The following ATG13 variants were observed in gnomAD, a reference collection of about 807,000 sequenced individuals.
ATG13 encodes autophagy-related protein 13.
Under a neutral mutation model 65.5 loss-of-function variants are expected in ATG13, and 23 were observed. The ratio of observed to expected loss-of-function variants is 0.35; its 90% CI spans 0.25 to 0.50. ATG13 has a LOEUF of 0.50. Ranked by LOEUF, ATG13 falls within the 20% of genes least tolerant of loss-of-function variation. ATG13 has a pLI of 0.98. For synonymous variants in ATG13, 252 were observed against 245.2 expected (o/e 1.03, Z -0.26); for missense variants, 566 against 677.0 (o/e 0.84, Z 1.82).
intron 2 of ATG13, among the ~76,000 whole-genome samples, chr11:46,631,444 G>A (rs532403079): frequency 1.3e-5 from 2 of 152,234 alleles, no homozygotes; most frequent in African/African-American, 2.4e-5. Flanking sequence ...TTTTCCATTC[G>A]TTCATTATTA....
At position 46,669,445 on chromosome 11, in the gene ATG13, G is replaced by T; in HGVS notation, c.1488G>T (p.Leu496=). 1 of 1,614,086 alleles carries T rather than the reference G, an allele frequency of 6.2e-7. No individual in the cohort carries two copies. The highest frequency in any genetic ancestry group is 8.5e-7 in the Non-Finnish European group (1 of 1,179,972). The part of the protein sequence containing the change: ...FSKDDILPMD[L]GTFYREFQNP... ...AAGATGACATTCTTCCGATGGACCT[G>T]GGGACCTTCTATCGGGAGTTTCAGA... is the stretch of plus-strand genomic sequence containing the variant. The change falls in exon 18 of 19, where the codon CTG becomes CTT. Residue 496 remains leucine (L), a synonymous_variant. Coordinates refer to ENST00000683050, the MANE Select transcript of ATG13 (RefSeq NM_001346311.2).
In ATG13 at chr11:46,672,592, G is replaced by T. The variant is rs2064003115; in HGVS notation, c.*260G>T. ...GAACCTTCGTACGAAAAAGCCCTCA[G>T]CAGGGCCATCTGTGTGCCCTGCCCA... On this transcript the variant is annotated 3_prime_UTR_variant, in exon 19 of 19. Transcript: ENST00000683050. The T allele has an allele frequency of 5.6e-6, 8 of 1,422,722 alleles. No homozygotes were observed. Among genetic ancestry groups the T allele is most frequent in the Non-Finnish European group, 7.4e-6 (8 of 1,076,514 alleles). The allele number at this position is 1,422,722 out of a possible 1,614,324, so 88.1% of individuals were successfully genotyped here.
At chr11:46,651,341 T>G (rs2058851989) in intron 7 of ATG13, among the ~76,000 whole-genome samples, 3 of 152,196 alleles carry the variant, frequency 2.0e-5, no homozygotes. Flanking sequence ...CAAGCTAGCC[T>G]ATTAGGGAAA....
rs762258154 is a variant in ATG13, at chr11:46,644,299, CTG to C, written c.9_10del (p.Asp4SerfsTer14). 6.2e-7 allele frequency: 1 copy of C among 1,600,984 alleles called. No individual in the cohort carries two copies. The highest frequency in any genetic ancestry group is 1.4e-5 in the African/African-American group (1 of 73,740). On this transcript the variant is annotated frameshift_variant, in exon 3 of 19. Coordinates refer to ENST00000683050, the MANE Select transcript of ATG13 (RefSeq NM_001346311.2). LOFTEE classifies it high-confidence loss of function. ...TTTAGATTCCTATAGGCAATGGAAA[CTG>C]ATCTCAATTCCCAGGACAGAAAGGA...
At chr11:46,646,370 G>A (rs1003299299) in intron 5 of ATG13, among the ~76,000 whole-genome samples, 3 of 152,138 alleles carry the variant, frequency 2.0e-5, no homozygotes, top group African/African-American at 7.2e-5. Context: ...GGCTGATCTC[G>A]AATTCCTGAC....
At chr11:46,663,381 T>G (rs190271981) in intron 11 of ATG13, among the ~76,000 whole-genome samples, 2 of 152,024 alleles carry the variant, frequency 1.3e-5, no homozygotes, top group South Asian at 4.1e-4. Flanking sequence ...TGCCCCCAGC[T>G]TTTTACTTCA....
intron 7 of ATG13, among the ~76,000 whole-genome samples, chr11:46,654,126 C>G (rs1474689527): frequency 1.3e-5 from 2 of 150,666 alleles, no homozygotes; most frequent in Non-Finnish European, 3.0e-5. Flanking sequence ...CTTTGTTAAG[C>G]CATCTACTTA....
chr11:46,667,970 A>G (rs1462333269), intron 15 of ATG13, 83 bp downstream of exon 15: 12 of 1,065,810 alleles, frequency 1.1e-5, no homozygotes, highest in Non-Finnish European at 1.5e-5. Flanking sequence ...AACCTGAGAT[A>G]TTAATATATA....
intron 2 of ATG13, among the ~76,000 whole-genome samples, chr11:46,637,151 GT>G (rs751134192): frequency 6.6e-6 from 1 of 152,150 alleles, no homozygotes; most frequent in African/African-American, 2.4e-5. Context: ...TCACTATTTT[GT>G]TTTTGGTGAT....
intron 7 of ATG13, 83 bp downstream of exon 7, chr11:46,650,400 G>A (rs1319609973): frequency 3.0e-5 from 45 of 1,514,770 alleles, no homozygotes; most frequent in Non-Finnish European, 3.9e-5. Context: ...GTTCTGTGAT[G>A]ATGTTTTGGA....
At chr11:46,659,052 G>T (rs2060615387) in intron 10 of ATG13, among the ~76,000 whole-genome samples, 1 of 152,156 alleles carries the variant, frequency 6.6e-6, no homozygotes, top group African/African-American at 2.4e-5. Flanking sequence ...GCTGAGCATG[G>T]TGGTACATTC....
intron 1 of ATG13, among the ~76,000 whole-genome samples, chr11:46,623,008 A>T (rs1352173736): frequency 2.6e-5 from 4 of 152,024 alleles, no homozygotes; most frequent in African/African-American, 4.8e-5. Flanking sequence ...GAAAAAGTGT[A>T]TTTGGGCCGG....
At chr11:46,642,102 T>C (rs773161525) in intron 2 of ATG13, among the ~76,000 whole-genome samples, 1 of 151,942 alleles carries the variant, frequency 6.6e-6, no homozygotes, top group Non-Finnish European at 1.5e-5. Context: ...AAATTTAACG[T>C]GTACCCATTA....
chr11:46,628,481 C>T (rs2135839096), intron 1 of ATG13, among the ~76,000 whole-genome samples: 1 of 151,756 alleles, frequency 6.6e-6, no homozygotes, highest in East Asian at 1.9e-4. Context: ...TTTTTAATTA[C>T]AGGTAAAACA....
chr11:46,635,859 T>C (rs1247975410), intron 2 of ATG13, among the ~76,000 whole-genome samples: 1 of 152,228 alleles, frequency 6.6e-6, no homozygotes, highest in African/African-American at 2.4e-5. Flanking sequence ...ATGATTGCAT[T>C]GGTAGATAAT....
intron 1 of ATG13, among the ~76,000 whole-genome samples, chr11:46,626,216 A>G (rs570162788): frequency 6.6e-6 from 1 of 151,112 alleles, no homozygotes; most frequent in Admixed American, 6.6e-5. Context: ...CGGCCTCCCA[A>G]AGTACTGGGA....
rs539122972 is a variant in ATG13, at chr11:46,664,785, G to T, written c.889-64G>T. On this transcript the variant is annotated intron_variant, in intron 12 of 18. Transcript: ENST00000683050. ...TCTACTGAGCCATCTTGTTTGTCAC[G>T]CTCTGGGATTGCCTATTTTTTCCTT... 12 of 1,439,572 alleles carry T rather than the reference G, an allele frequency of 8.3e-6. No homozygotes were observed. In the Admixed American group the frequency reaches 1.0e-4, roughly 12 times the overall value. 89.2% of individuals were successfully genotyped at this position (1,439,572 alleles called of 1,614,324 possible).
chr11:46,663,760 TCA>T (rs1381625304), intron 11 of ATG13, among the ~76,000 whole-genome samples: 2 of 152,124 alleles, frequency 1.3e-5, no homozygotes, highest in African/African-American at 4.8e-5. Context: ...TAACTGCTTA[TCA>T]GGGACACAGG....
chr11:46,667,565 T>C (rs2062640454), intron 14 of ATG13, among the ~76,000 whole-genome samples: 1 of 152,130 alleles, frequency 6.6e-6, no homozygotes, highest in Non-Finnish European at 1.5e-5. Context: ...ATTTTAGTAG[T>C]TCCAGGAAGT....
Sources: allele counts gnomAD v4.1 joint callset (sites outside exome capture counted in the v4.1 genomes callset), GRCh38; gene constraint gnomAD v4.1.1; transcripts MANE v1.5; gene names NCBI Gene and HGNC (gene_info 2026-07-23, HGNC 2026-07-21).